FBXL7: variants seen among roughly 807,000 people sequenced by gnomAD.
FBXL7 encodes the protein F-box/LRR-repeat protein 7.
FBXL7 carries 12 observed loss-of-function variants against 38.3 expected under a neutral mutation model. That is an observed-to-expected ratio of 0.31 (90% CI 0.20 to 0.51). FBXL7 has a LOEUF of 0.51. FBXL7 is among the 20% of genes least tolerant of loss of function. FBXL7 has a pLI of 0.98. For missense variants in FBXL7, 567 were observed against 676.4 expected (o/e 0.84, Z 1.79); for synonymous variants, 297 against 300.9 (o/e 0.99, Z 0.13).
chr5:15,576,526 T>C (rs554847951), intron 1 of FBXL7, among the ~76,000 whole-genome samples: 5 of 152,324 alleles, frequency 3.3e-5, no homozygotes, highest in African/African-American at 9.6e-5. Flanking sequence ...CTAGAGTTTA[T>C]TAATGAGCAA....
rs774729544 is a variant in FBXL7 at position 15,719,985 on chromosome 5, A to C, written c.127+103913A>C. On this transcript the variant is annotated intron_variant, in intron 2 of 3. Transcript: ENST00000504595. ...GTCTGCGTATTCCCTATCAGTAGCT[A>C]CTGCATCCTGTCTGTTCAACAAGAT... Among the ~76,000 whole-genome samples the C allele has an allele frequency of 1.3e-5, 2 of 148,940 alleles. 1 individual carries two copies. The highest frequency in any genetic ancestry group is 3.0e-5 in the Non-Finnish European group (2 of 66,674).
At chr5:15,648,622 G>A (rs543160964) in intron 2 of FBXL7, among the ~76,000 whole-genome samples, 1 of 152,222 alleles carries the variant, frequency 6.6e-6, no homozygotes, top group South Asian at 2.1e-4. Context: ...AATTGAAGGG[G>A]CAGCATTGCT....
At chr5:15,931,347 G>A (rs1312863227) in intron 3 of FBXL7, among the ~76,000 whole-genome samples, 2 of 152,058 alleles carry the variant, frequency 1.3e-5, no homozygotes, top group Admixed American at 6.5e-5. Flanking sequence ...AAATAATATT[G>A]CTTCAGAAAG....
At chr5:15,630,879 G>A (rs1740974722) in intron 2 of FBXL7, among the ~76,000 whole-genome samples, 1 of 151,878 alleles carries the variant, frequency 6.6e-6, no homozygotes. Context: ...TCATTTATGT[G>A]TGATACAAGT....
At chr5:15,586,273 C>G in intron 1 of FBXL7, among the ~76,000 whole-genome samples, 2 of 118,276 alleles carry the variant, frequency 1.7e-5, no homozygotes, top group African/African-American at 6.3e-5. Context: ...CCCCTCCCCC[C>G]TCCCCCTTGT....
chr5:15,616,118 G>T, intron 2 of FBXL7, 46 bp downstream of exon 2: 1 of 1,350,738 alleles, frequency 7.4e-7, no homozygotes, highest in Non-Finnish European at 1.1e-6. Context: ...TCACAGGGCT[G>T]GCTATTTTTG....
chr5:15,780,576 A>G (rs576775480), intron 2 of FBXL7, among the ~76,000 whole-genome samples: 10 of 152,288 alleles, frequency 6.6e-5, no homozygotes, highest in African/African-American at 2.4e-4. Flanking sequence ...TGTTTAGTCA[A>G]CAGGCACTTC....
chr5:15,546,636 C>T (rs191356709), intron 1 of FBXL7, among the ~76,000 whole-genome samples: 2 of 152,244 alleles, frequency 1.3e-5, no homozygotes, highest in Admixed American at 1.3e-4. Flanking sequence ...GAGGCTGAGG[C>T]AGGAGAATCA....
intron 1 of FBXL7, among the ~76,000 whole-genome samples, chr5:15,564,292 AG>A (rs1260241053): frequency 6.6e-6 from 1 of 152,030 alleles, no homozygotes; most frequent in Non-Finnish European, 1.5e-5. Flanking sequence ...ATTTTAGTAT[AG>A]TCATTCTTAC....
Position 15,543,492 on chromosome 5 carries a change from A to C in FBXL7, c.37+42779A>C, listed in dbSNP as rs182529023. Among the ~76,000 whole-genome samples, 161 of 152,284 alleles carry C rather than the reference A, an allele frequency of 1.1e-3. 1 individual carries two copies. The East Asian group carries it at 0.02, about 19-fold the overall frequency. The stretch of plus-strand genomic sequence containing the variant: ...ATCAGCAACCCCAATTTGGTTCAAC[A>C]ATCATAGATGCTGTTGTTGATACAC... On this transcript the variant is annotated intron_variant, in intron 1 of 3. Transcript: ENST00000504595.
chr5:15,893,745 A>T (rs533113432), intron 2 of FBXL7, among the ~76,000 whole-genome samples: 2 of 152,228 alleles, frequency 1.3e-5, no homozygotes, highest in African/African-American at 2.4e-5. Flanking sequence ...ATTTAGGTCA[A>T]ATATTTCATA....
chr5:15,814,105 C>T (rs1737942554), intron 2 of FBXL7, among the ~76,000 whole-genome samples: 1 of 152,134 alleles, frequency 6.6e-6, no homozygotes, highest in Admixed American at 6.6e-5. Context: ...GTAAATCATT[C>T]TACTATAATG....
At chr5:15,729,692 AAC>A (rs892073414) in intron 2 of FBXL7, among the ~76,000 whole-genome samples, 3 of 152,162 alleles carry the variant, frequency 2.0e-5, no homozygotes, top group Admixed American at 2.0e-4. Context: ...AGCGTTAATA[AAC>A]AGTTACATGT....
rs923723757 is a variant in FBXL7, at chr5:15,500,733, T to G, written c.37+20T>G. ...GTGAGGGTGAGTGGGCCGCCCGTCC[T>G]CAGACTCCCGGATCGCGTCCCTCCT... On this transcript the variant is annotated intron_variant, in intron 1 of 3. Coordinates refer to ENST00000504595, the MANE Select transcript of FBXL7 (RefSeq NM_012304.5). 1 of 1,603,752 alleles carries G rather than the reference T, an allele frequency of 6.2e-7. No homozygotes were observed. Among genetic ancestry groups the G allele is most frequent in the African/African-American group, 1.4e-5 (1 of 73,842 alleles).
chr5:15,852,008 C>T (rs1739111403), intron 2 of FBXL7, among the ~76,000 whole-genome samples: 1 of 152,036 alleles, frequency 6.6e-6, no homozygotes, highest in African/African-American at 2.4e-5. Flanking sequence ...AGGAACAACC[C>T]ATTATCTCTC....
intron 2 of FBXL7, among the ~76,000 whole-genome samples, chr5:15,774,266 T>C (rs1400810469): frequency 2.0e-5 from 3 of 152,144 alleles, no homozygotes; most frequent in Non-Finnish European, 2.9e-5. Flanking sequence ...ACAAATACTT[T>C]TGTGATTACA....
intron 1 of FBXL7, among the ~76,000 whole-genome samples, chr5:15,601,765 G>A (rs1465887095): frequency 1.3e-5 from 2 of 152,136 alleles, no homozygotes; most frequent in African/African-American, 4.8e-5. Flanking sequence ...GAGACTCAGG[G>A]TAGGATTTTC....
intron 2 of FBXL7, among the ~76,000 whole-genome samples, chr5:15,749,422 C>G (rs889151602): frequency 6.6e-6 from 1 of 151,830 alleles, no homozygotes; most frequent in Non-Finnish European, 1.5e-5. Context: ...GTCAGGAGAT[C>G]GAGACAATTC....
intron 1 of FBXL7, among the ~76,000 whole-genome samples, chr5:15,581,426 C>A (rs1190635445): frequency 6.6e-6 from 1 of 152,154 alleles, no homozygotes; most frequent in Admixed American, 6.5e-5. Flanking sequence ...CTGGTGCTGC[C>A]GCCATACAGT....
Sources: gnomAD v4.1 joint callset for allele counts (sites outside exome capture counted in the v4.1 genomes callset) on GRCh38, gnomAD v4.1.1 for gene constraint, MANE v1.5 for transcripts, NCBI Gene and HGNC (gene_info 2026-07-23, HGNC 2026-07-21) for gene names.